PRDM12: variants seen among roughly 807,000 people sequenced by gnomAD.
PRDM12 encodes the protein PR domain zinc finger protein 12.
A neutral mutation model predicts 29.6 loss-of-function variants in PRDM12; 17 were observed. The ratio of observed to expected loss-of-function variants is 0.57; its 90% CI spans 0.39 to 0.86. The LOEUF (loss-of-function observed/expected upper bound fraction) is 0.86, where lower values mean the gene tolerates loss of function less well. Among genes scored for constraint, PRDM12 ranks in the 40% least tolerant of loss-of-function variants. The pLI is 0.00. For synonymous variants in PRDM12, 231 were observed against 225.8 expected (o/e 1.02, Z -0.21); for missense variants, 422 against 510.8 (o/e 0.83, Z 1.68).
intron 4 of PRDM12, among the ~76,000 whole-genome samples, chr9:130,679,177 T>C (rs547805685): frequency 6.6e-6 from 1 of 152,288 alleles, no homozygotes; most frequent in Admixed American, 6.5e-5. Context: ...ACTGTGCCTG[T>C]GTGTGTGTCA....
chr9:130,666,910 A>G, intron 2 of PRDM12, 112 bp downstream of exon 2: 1 of 1,378,074 alleles, frequency 7.3e-7, no homozygotes, highest in South Asian at 1.5e-5. Context: ...AGCGGCGGAC[A>G]CTCCTGGCCT....
Position 130,668,194 on chromosome 9 carries a change from G to T in PRDM12, c.451G>T (p.Asp151Tyr). 1.2e-6 allele frequency: 2 copies of T among 1,614,084 alleles called. No individual in the cohort carries two copies. Among genetic ancestry groups the T allele is most frequent in the Non-Finnish European group, 1.7e-6 (2 of 1,180,012 alleles). Residue 151 changes from aspartate (D) to tyrosine (Y), a missense_variant, in exon 3 of 5, where the codon GAT (aspartate) becomes TAT (tyrosine). Asp to Tyr is a radical substitution (Grantham distance 160, BLOSUM62 -3). Transcript: ENST00000253008. The surrounding 1 kb of genome is among the most constrained non-coding windows in gnomAD (Gnocchi z 4.0). ...NEDGTVRYFIDASQEDHRSWM... is the reference protein window; with the variant it reads ...NEDGTVRYFIYASQEDHRSWM... ...GGATGGCACGGTGCGCTACTTCATC[G>T]ATGCCAGCCAGGAGGACCACCGGAG...
chr9:130,676,484 A>C (rs1830843885), intron 3 of PRDM12, among the ~76,000 whole-genome samples: 1 of 152,172 alleles, frequency 6.6e-6, no homozygotes, highest in Non-Finnish European at 1.5e-5. Flanking sequence ...CGACAGCGCG[A>C]GACTCCGTCT....
chr9:130,666,937 G>A, intron 2 of PRDM12, 139 bp downstream of exon 2: 1 of 1,207,322 alleles, frequency 8.3e-7, no homozygotes, highest in South Asian at 1.7e-5. Context: ...CCCCTGAGCC[G>A]GGACTCTAAG....
chr9:130,666,950 G>A (rs973619329), intron 2 of PRDM12, 152 bp downstream of exon 2: 3 of 1,105,616 alleles, frequency 2.7e-6, no homozygotes, highest in Non-Finnish European at 3.7e-6. Context: ...ACTCTAAGCC[G>A]CCCGAGCCTG....
intron 1 of PRDM12, among the ~76,000 whole-genome samples, chr9:130,665,520 C>T (rs1830724810): frequency 6.6e-6 from 1 of 152,082 alleles, no homozygotes; most frequent in African/African-American, 2.4e-5. Flanking sequence ...CTTAATTTAC[C>T]GTGAAGACTA....
intron 4 of PRDM12, among the ~76,000 whole-genome samples, chr9:130,679,172 G>C (rs1438216042): frequency 3.3e-5 from 5 of 152,208 alleles, no homozygotes; most frequent in African/African-American, 1.2e-4. Context: ...GACAGACTGT[G>C]CCTGTGTGTG....
Position 130,664,719 on chromosome 9 carries a change from G to C in PRDM12, c.66G>C (p.Leu22=). The C allele has an allele frequency of 1.2e-6, 2 of 1,610,250 alleles. No homozygotes were observed. Among genetic ancestry groups the C allele is most frequent in the Non-Finnish European group, 1.7e-6 (2 of 1,179,654 alleles). The change falls in exon 1 of 5, where the codon CTG becomes CTC. Residue 22 remains leucine, a synonymous_variant. Coordinates refer to ENST00000253008, the MANE Select transcript of PRDM12 (RefSeq NM_021619.3). The surrounding 1 kb of genome is among the most constrained non-coding windows in gnomAD (Gnocchi z 6.4). The part of the protein sequence containing the change: ...VLKTGLKAPG[L]ALAEVITSDI... ...AGACCGGGCTGAAGGCGCCGGGACT[G>C]GCGCTGGCCGAGGTTATCACCTCCG... is the stretch of plus-strand genomic sequence containing the variant.
At chr9:130,666,582 C>G (rs764529870) in intron 1 of PRDM12, 26 bp from the exon 2 acceptor site, 1 of 1,596,024 alleles carries the variant, frequency 6.3e-7, no homozygotes, top group African/African-American at 1.4e-5. Context: ...GGGCTCTGAC[C>G]GGTTTTCCTG....
In PRDM12 at chr9:130,664,686, G is replaced by A; in HGVS notation, c.33G>A (p.Leu11=). The change falls in exon 1 of 5, where the codon CTG becomes CTA. Residue 11 remains leucine (L), a synonymous_variant. Transcript: ENST00000253008. This position sits in a 1 kb window ranked among gnomAD's most constrained non-coding sequence, Gnocchi z 6.4. Reference sequence around the variant, plus strand: ...GCTCCGTGCTCCCGGCTGAGGCCCTGGTGCTCAAGACCGGGCTGAAGGCGC... The same window carrying A: ...GCTCCGTGCTCCCGGCTGAGGCCCTAGTGCTCAAGACCGGGCTGAAGGCGC... MMGSVLPAEA[L]VLKTGLKAPG... 6.2e-7 allele frequency: 1 copy of A among 1,606,002 alleles called. No individual in the cohort carries two copies. The highest frequency in any genetic ancestry group is 8.5e-7 in the Non-Finnish European group (1 of 1,178,558).
intron 3 of PRDM12, among the ~76,000 whole-genome samples, chr9:130,677,835 G>A (rs913325479): frequency 3.9e-5 from 6 of 152,286 alleles, no homozygotes; most frequent in Admixed American, 2.6e-4. Flanking sequence ...GGTCCTCCCC[G>A]AGAGCATCAG....
intron 3 of PRDM12, among the ~76,000 whole-genome samples, chr9:130,674,307 C>T (rs1830816005): frequency 6.6e-6 from 1 of 151,830 alleles, no homozygotes; most frequent in Non-Finnish European, 1.5e-5. Context: ...GCCACTGCGC[C>T]CGGCCCAATT....
intron 2 of PRDM12, among the ~76,000 whole-genome samples, chr9:130,667,920 T>G (rs1357928262): frequency 6.6e-6 from 1 of 152,128 alleles, no homozygotes. Flanking sequence ...AACAGGAGCG[T>G]GTATCATGGT....
chr9:130,668,984 C>G lies in PRDM12; in HGVS notation c.570+671C>G, dbSNP rs192087799. Among the ~76,000 whole-genome samples the G allele has an allele frequency of 6.6e-6, 1 of 152,092 alleles. No individual in the cohort carries two copies. The highest frequency in any genetic ancestry group is 2.4e-5 in the African/African-American group (1 of 41,402). On this transcript the variant is annotated intron_variant, in intron 3 of 4. Coordinates refer to ENST00000253008, the MANE Select transcript of PRDM12 (RefSeq NM_021619.3). This position sits in a 1 kb window ranked among gnomAD's most constrained non-coding sequence, Gnocchi z 4.0. ...GGGGGAGTGTTAGCACTAATAGCTG[C>G]GCTTCCTGAGCCTTCTCAGAGGAGA...
intron 3 of PRDM12, among the ~76,000 whole-genome samples, chr9:130,676,918 T>G (rs576468425): frequency 2.0e-5 from 3 of 151,852 alleles, no homozygotes; most frequent in Non-Finnish European, 4.4e-5. Context: ...TCTTCTTTTT[T>G]TTTTCCTTGA....
Position 130,680,659 on chromosome 9 carries a change from A to ATATTTTTT in PRDM12, c.683-588_683-587insATTTTTTT. On this transcript the variant is annotated intron_variant, in intron 4 of 4. Transcript: ENST00000253008. ...AATATATATATATATATATATATATATTTTTTTTTTTTTTAACTGATCCTT... is the reference window on the plus strand; with the variant it reads ...AATATATATATATATATATATATATATATTTTTTTTTTTTTTTTTTTTAACTGATCCTT... 1.5e-4 allele frequency among the ~76,000 whole-genome samples: 11 copies of ATATTTTTT among 72,168 alleles called. No homozygotes were observed. In the South Asian group the frequency reaches 1.6e-3, roughly 11 times the overall value. 47.3% of individuals were successfully genotyped at this position (72,168 alleles called of 152,430 possible).
chr9:130,675,069 G>A (rs1363921009), intron 3 of PRDM12, among the ~76,000 whole-genome samples: 2 of 151,892 alleles, frequency 1.3e-5, no homozygotes, highest in African/African-American at 2.4e-5. Context: ...TGGTAGAGAC[G>A]GGGTTTCACC....
chr9:130,670,644 T>C (rs1830781286), intron 3 of PRDM12, among the ~76,000 whole-genome samples: 1 of 152,094 alleles, frequency 6.6e-6, no homozygotes, highest in Non-Finnish European at 1.5e-5. Context: ...TATAACAGAA[T>C]GCACCCTCCC....
chr9:130,678,100 C>T (rs1169821489), intron 3 of PRDM12, among the ~76,000 whole-genome samples: 3 of 152,078 alleles, frequency 2.0e-5, no homozygotes, highest in Admixed American at 2.0e-4. Context: ...CAGGGTATAG[C>T]CAAGTACCCT....
Sources: allele counts gnomAD v4.1 joint callset (sites outside exome capture counted in the v4.1 genomes callset), GRCh38; gene constraint gnomAD v4.1.1; non-coding constraint Gnocchi (gnomAD v3.1); transcripts MANE v1.5; gene names NCBI Gene and HGNC (gene_info 2026-07-23, HGNC 2026-07-21).